Variants in TMTC1 observed in about 807,000 individuals in gnomAD.
TMTC1 encodes protein O-mannosyl-transferase TMTC1.
Under a neutral mutation model 104.8 loss-of-function variants are expected in TMTC1, and 73 were observed. The ratio of observed to expected loss-of-function variants is 0.70; its 90% confidence interval spans 0.58 to 0.85. The LOEUF (loss-of-function observed/expected upper bound fraction) is 0.85. TMTC1 is among the 40% of genes least tolerant of loss of function. TMTC1 has a pLI of 0.00. For synonymous variants in TMTC1, 434 were observed against 428.7 expected (o/e 1.01, Z -0.15); for missense variants, 1,035 against 1,096.1 (o/e 0.94, Z 0.79).
At chr12:29,732,841 C>T (rs999878876) in intron 5 of TMTC1, among the ~76,000 whole-genome samples, 1 of 152,110 alleles carries the variant, frequency 6.6e-6, no homozygotes, top group Non-Finnish European at 1.5e-5. Flanking sequence ...CCCCTTTATG[C>T]AGGCTTCTCA....
intron 12 of TMTC1, 122 bp downstream of exon 12, chr12:29,520,496 A>G (rs1047633321): frequency 1.3e-5 from 10 of 788,602 alleles, no homozygotes; most frequent in African/African-American, 3.5e-5. Context: ...ATGACTGTCA[A>G]TAGTGTGAGC....
At chr12:29,631,864 T>C (rs566791030) in intron 6 of TMTC1, among the ~76,000 whole-genome samples, 5 of 152,330 alleles carry the variant, frequency 3.3e-5, no homozygotes, top group African/African-American at 1.2e-4. Context: ...TGTGCCAACA[T>C]GGCTTTGTGA....
chr12:29,658,279 A>C (rs1233640505), intron 5 of TMTC1: 2 of 152,218 alleles, frequency 1.3e-5, no homozygotes, highest in African/African-American at 4.8e-5. Flanking sequence ...CATTAAAGGT[A>C]TGTAAAACTA....
At chr12:29,705,006 T>C (rs1941700752) in intron 5 of TMTC1, among the ~76,000 whole-genome samples, 1 of 152,220 alleles carries the variant, frequency 6.6e-6, no homozygotes, top group African/African-American at 2.4e-5. Context: ...AAACAAATTA[T>C]TCAGGAGGAC....
chr12:29,743,116 TCTCATGGGATAGGTATTAGTATTA>T (rs1296022897), intron 5 of TMTC1, among the ~76,000 whole-genome samples: 1 of 152,188 alleles, frequency 6.6e-6, no homozygotes, highest in African/African-American at 2.4e-5. Context: ...TTCACAATAA[TCTCATGGGATAGGTATTAGTATTA>T]CTTCTGCCGT....
chr12:29,569,589 T>C (rs2136292946), intron 9 of TMTC1, among the ~76,000 whole-genome samples: 1 of 152,346 alleles, frequency 6.6e-6, no homozygotes, highest in South Asian at 2.1e-4. Flanking sequence ...AAAGGCAATC[T>C]TCCAGTTACC....
Position 29,559,669 on chromosome 12 carries a change from C to T in TMTC1, c.1533-2669G>A, listed in dbSNP as rs1379701946. On this transcript the variant is annotated intron_variant, in intron 9 of 17. Coordinates refer to ENST00000539277, the MANE Select transcript of TMTC1 (RefSeq NM_001193451.2). ...GAGGCTCTATGTTGGCAAAGATCCC[C>T]AACTCCTCAAGGAAGGAGATTGCTG... Among the ~76,000 whole-genome samples the T allele has an allele frequency of 3.3e-5, 5 of 152,262 alleles. No individual in the cohort carries two copies. The East Asian group carries it at 9.7e-4, about 29-fold the overall frequency.
At chr12:29,741,723 G>A (rs1410127494) in intron 5 of TMTC1, among the ~76,000 whole-genome samples, 2 of 152,176 alleles carry the variant, frequency 1.3e-5, no homozygotes, top group Non-Finnish European at 2.9e-5. Context: ...AAACAATAAT[G>A]AGGGAGAATG....
chr12:29,666,165 T>C (rs1452483386), intron 5 of TMTC1: 2 of 433,156 alleles, frequency 4.6e-6, no homozygotes, highest in Non-Finnish European at 9.1e-6. Context: ...CAATAAATGC[T>C]TACTGAGCCA....
intron 5 of TMTC1, among the ~76,000 whole-genome samples, chr12:29,711,582 G>A (rs2136841376): frequency 6.6e-6 from 1 of 152,272 alleles, no homozygotes. Flanking sequence ...TTATAACAAA[G>A]TGAGGAGGAC....
Position 29,572,112 on chromosome 12 carries a change from C to G in TMTC1, c.1525G>C (p.Ala509Pro). The G allele has an allele frequency of 1.9e-6, 3 of 1,613,448 alleles. No individual in the cohort carries two copies. The highest frequency in any genetic ancestry group is 2.5e-6 in the Non-Finnish European group (3 of 1,179,470). ...NKEAIYHYRT[A>P]LKLYPRHASA... ...TCCCTGTGTGGCGCTTACTTGAGAG[C>G]TGTTCTGTAGTGGTAGATCGCTTCC... The change falls in exon 9 of 18, where the codon GCT becomes CCT. Residue 509 changes from alanine (A) to proline (P), a missense_variant. Physicochemically the swap from Ala to Pro is conservative, Grantham distance 27. Coordinates refer to ENST00000539277, the MANE Select transcript of TMTC1 (RefSeq NM_001193451.2).
intron 8 of TMTC1, among the ~76,000 whole-genome samples, chr12:29,576,766 GT>G (rs1477027459): frequency 6.6e-6 from 1 of 152,116 alleles, no homozygotes; most frequent in African/African-American, 2.4e-5. Flanking sequence ...TGCAAAGAGA[GT>G]AGATTTTAGG....
chr12:29,523,123 T>C (rs986554914), intron 11 of TMTC1, among the ~76,000 whole-genome samples: 1 of 152,222 alleles, frequency 6.6e-6, no homozygotes. Flanking sequence ...CATCTGTTCA[T>C]CCATCCAACC....
At chr12:29,650,690 C>G (rs1274233938) in intron 5 of TMTC1, among the ~76,000 whole-genome samples, 1 of 152,144 alleles carries the variant, frequency 6.6e-6, no homozygotes, top group Non-Finnish European at 1.5e-5. Context: ...AGCAGGGAAA[C>G]CTTTCTAAAG....
At chr12:29,563,173 A>C (rs535881123) in intron 9 of TMTC1, among the ~76,000 whole-genome samples, 59 of 152,320 alleles carry the variant, frequency 3.9e-4, no homozygotes, top group Admixed American at 6.5e-4. Flanking sequence ...ATCCTTCATC[A>C]TCTGAAGCAA....
In TMTC1 at chr12:29,623,825, ATAAAT is replaced by A. The variant is rs1555177658; in HGVS notation, c.1128+9317_1128+9321del. Among the ~76,000 whole-genome samples, 877 of 148,900 alleles carry A rather than the reference ATAAAT, an allele frequency of 5.9e-3. 8 individuals carry two copies. Among genetic ancestry groups the A allele is most frequent in the Non-Finnish European group, 9.2e-3 (627 of 67,922 alleles). ...AAGACTCCGGCTCAAAAATAAATAA[ATAAAT>A]TAAATTAAATTAAATTAAATTAAAT... On this transcript the variant is annotated intron_variant, in intron 6 of 17. Transcript: ENST00000539277.
chr12:29,736,472 T>C (rs894459978), intron 5 of TMTC1, among the ~76,000 whole-genome samples: 1 of 151,942 alleles, frequency 6.6e-6, no homozygotes, highest in Non-Finnish European at 1.5e-5. Flanking sequence ...CAGGCTGGAG[T>C]GCAGTGGCGC....
At position 29,535,651 on chromosome 12, in the gene TMTC1, C is replaced by A. The variant is rs1366104437; in HGVS notation, c.1785+558G>T. The A allele has an allele frequency of 2.0e-5, 3 of 152,522 alleles. No homozygotes were observed. In the East Asian group the frequency reaches 5.8e-4, roughly 29 times the overall value. The allele number at this position is 152,522 out of a possible 1,614,324, so 9.4% of individuals were successfully genotyped here. On this transcript the variant is annotated intron_variant, in intron 11 of 17. Transcript: ENST00000539277. ...AATTTAGAGAGAAGACAACTTATAT[C>A]TGTTTCTCCATAGCAGGGGTCATGC...
chr12:29,736,039 T>C (rs1022468745), intron 5 of TMTC1, among the ~76,000 whole-genome samples: 3 of 152,282 alleles, frequency 2.0e-5, no homozygotes, highest in African/African-American at 2.4e-5. Flanking sequence ...CCTGGCCACA[T>C]AGATCGTCCA....
Sources: gnomAD v4.1 joint callset for allele counts (sites outside exome capture counted in the v4.1 genomes callset) on GRCh38, gnomAD v4.1.1 for gene constraint, MANE v1.5 for transcripts, NCBI Gene and HGNC (gene_info 2026-07-23, HGNC 2026-07-21) for gene names.